ERMP1: variants seen among roughly 807,000 people sequenced by gnomAD.
ERMP1 encodes Felix-ina.
In ERMP1, 86 loss-of-function variants were observed where a neutral mutation model predicts 92.0. That is an observed-to-expected ratio of 0.93 (90% CI 0.79 to 1.12). The LOEUF is 1.12. Ranked by LOEUF, ERMP1 falls within the 50% of genes most tolerant of loss-of-function variation. The probability of loss-of-function intolerance (pLI) is 0.00; values close to 1 mark genes in which losing one functional copy is unlikely to be tolerated. For synonymous variants in ERMP1, 530 were observed against 412.8 expected, an observed-to-expected ratio of 1.28 and a Z score of -3.44; for missense variants, 1,342 against 1,116.3, an observed-to-expected ratio of 1.20 and a Z score of -2.88.
chr9:5,844,217 G>T (rs12343821), intron 6 of ERMP1, among the ~76,000 whole-genome samples: 1 of 151,984 alleles, frequency 6.6e-6, no homozygotes, highest in East Asian at 1.9e-4. Context: ...AGACTCAGAT[G>T]TAAGTGGCCA....
At chr9:5,790,634 CA>C (rs1167075811) in intron 13 of ERMP1, among the ~76,000 whole-genome samples, 1 of 152,086 alleles carries the variant, frequency 6.6e-6, no homozygotes, top group Non-Finnish European at 1.5e-5. Flanking sequence ...TCTTATTTCT[CA>C]AAACACAGAA....
chr9:5,788,564 G>T (rs560809337), intron 13 of ERMP1, among the ~76,000 whole-genome samples: 5 of 152,080 alleles, frequency 3.3e-5, no homozygotes, highest in Non-Finnish European at 7.4e-5. Context: ...ACTTCCTAAA[G>T]AATCTGGACT....
At chr9:5,864,635 A>C (rs1460096652) in intron 5 of ERMP1, among the ~76,000 whole-genome samples, 5 of 152,196 alleles carry the variant, frequency 3.3e-5, no homozygotes, top group Non-Finnish European at 7.3e-5. Context: ...GGCAGGTGGA[A>C]GAAGCCAGCT....
At chr9:5,841,979 C>T (rs1425897145) in intron 6 of ERMP1, among the ~76,000 whole-genome samples, 1 of 152,152 alleles carries the variant, frequency 6.6e-6, no homozygotes. Context: ...GTTTTTTCCT[C>T]CTGGTGGGTT....
chr9:5,807,123 C>T (rs889554557), intron 8 of ERMP1, among the ~76,000 whole-genome samples: 1 of 152,170 alleles, frequency 6.6e-6, no homozygotes, highest in African/African-American at 2.4e-5. Context: ...AAAGATAAAA[C>T]ATCGCTCGAA....
At chr9:5,860,169 G>C (rs888360399) in intron 5 of ERMP1, among the ~76,000 whole-genome samples, 4 of 151,908 alleles carry the variant, frequency 2.6e-5, no homozygotes, top group African/African-American at 9.7e-5. Context: ...GCCAGGTGTG[G>C]TAGTGCATAC....
intron 5 of ERMP1, among the ~76,000 whole-genome samples, chr9:5,864,252 G>C (rs1437169673): frequency 6.6e-6 from 1 of 152,038 alleles, no homozygotes; most frequent in Non-Finnish European, 1.5e-5. Flanking sequence ...AGGATCTCTG[G>C]GTGAGGAGTG....
At chr9:5,837,835 A>T (rs977079788), upstream of ERMP1, among the ~76,000 whole-genome samples, 1 of 152,214 alleles carries the variant, frequency 6.6e-6, no homozygotes. Flanking sequence ...TGGGCACAGT[A>T]GCTCAGCCTA....
At chr9:5,813,903 T>C (rs768914810) in intron 4 of ERMP1, among the ~76,000 whole-genome samples, 210 of 148,906 alleles carry the variant, frequency 1.4e-3, no homozygotes, top group Non-Finnish European at 2.5e-3. Context: ...TATAATTATA[T>C]AATTATATGT....
chr9:5,823,374 T>C (rs1217782159), intron 4 of ERMP1, among the ~76,000 whole-genome samples: 1 of 152,232 alleles, frequency 6.6e-6, no homozygotes, highest in Non-Finnish European at 1.5e-5. Flanking sequence ...ACCTGTTACA[T>C]ACACTACAGG....
rs1586829855 is a variant in ERMP1 at position 5,832,907 on chromosome 9, C to A, written c.121G>T (p.Asp41Tyr). ...GTCCTCCCGCCGCCGCTGCACCCAT[C>A]CACCAGAGGCTCCTGCGCTCGGGCC... is the stretch of plus-strand genomic sequence containing the variant. The part of the protein sequence containing the change: ...REARAQEPLV[D>Y]GCSGGGRTRK... The change falls in exon 1 of 15, where the codon GAT becomes TAT. Residue 41 changes from aspartate to tyrosine, a missense_variant. By Grantham distance (160) the Asp-to-Tyr change is radical (BLOSUM62 -3). Coordinates refer to ENST00000339450, the MANE Select transcript of ERMP1 (RefSeq NM_024896.3). 1.3e-6 allele frequency: 2 copies of A among 1,559,958 alleles called. No individual in the cohort carries two copies. Among genetic ancestry groups the A allele is most frequent in the African/African-American group, 1.4e-5 (1 of 70,880 alleles).
At chr9:5,814,020 T>A (rs1006126569) in intron 4 of ERMP1, among the ~76,000 whole-genome samples, 4 of 152,260 alleles carry the variant, frequency 2.6e-5, no homozygotes, top group African/African-American at 7.2e-5. Context: ...CATACTCTTC[T>A]GTACCTATTA....
In ERMP1 at chr9:5,833,080, C is replaced by CCGCCGCCGA. The variant is rs879031527; in HGVS notation, c.-62_-54dup. 61,030 of 1,363,828 alleles carry CCGCCGCCGA rather than the reference C, an allele frequency of 0.045. 1,896 individuals carry two copies. Among genetic ancestry groups the CCGCCGCCGA allele is most frequent in the Non-Finnish European group, 0.051 (53,327 of 1,055,498 alleles). The allele number at this position is 1,363,828 out of a possible 1,614,324, so 84.5% of individuals were successfully genotyped here. On this transcript the variant is annotated 5_prime_UTR_variant, in exon 1 of 15. Transcript: ENST00000339450. ...CCGCCCCAACCCGCGACAGCCCCGG[C>CCGCCGCCGA]CGCCGCCGACGCCGCCGTCGCTGCC...
At chr9:5,837,684 A>T (rs907864218), upstream of ERMP1, among the ~76,000 whole-genome samples, 1 of 152,354 alleles carries the variant, frequency 6.6e-6, no homozygotes, top group African/African-American at 2.4e-5. Flanking sequence ...GTGTGTGTGT[A>T]TATGCATGCG....
intron 7 of ERMP1, 22 bp from the exon 8 acceptor site, chr9:5,810,253 G>A: frequency 6.4e-7 from 1 of 1,568,740 alleles, no homozygotes; most frequent in Non-Finnish European, 8.8e-7. Context: ...AAAACAAAAA[G>A]TTGAAATCAC....
chr9:5,838,442 G>C (rs1249040174), intron 6 of ERMP1, among the ~76,000 whole-genome samples: 1 of 151,954 alleles, frequency 6.6e-6, no homozygotes, highest in Non-Finnish European at 1.5e-5. Flanking sequence ...CTACTAGGGA[G>C]ACTGAGGTGA....
upstream of ERMP1, among the ~76,000 whole-genome samples, chr9:5,836,493 T>A (rs1034071921): frequency 8.5e-5 from 13 of 152,208 alleles, no homozygotes; most frequent in African/African-American, 3.1e-4. Flanking sequence ...GTGCAAGGAT[T>A]CCAAACGTGG....
chr9:5,810,994 G>A, intron 7 of ERMP1, 117 bp downstream of exon 7: 8 of 621,560 alleles, frequency 1.3e-5, no homozygotes, highest in Admixed American at 3.2e-5. Context: ...ACAATATAAA[G>A]CAAACATTGT....
At chr9:5,798,471 C>T (rs1244042893) in intron 12 of ERMP1, among the ~76,000 whole-genome samples, 2 of 152,116 alleles carry the variant, frequency 1.3e-5, no homozygotes. Context: ...CCGCCTCGGC[C>T]TCCCAAAGTG....
Sources: allele counts gnomAD v4.1 joint callset (sites outside exome capture counted in the v4.1 genomes callset), GRCh38; gene constraint gnomAD v4.1.1; transcripts MANE v1.5; gene names NCBI Gene and HGNC (gene_info 2026-07-23, HGNC 2026-07-21).